Variants in COLEC12 observed in about 807,000 individuals in gnomAD.
The protein encoded by COLEC12 is collectin subfamily member 12.
A neutral mutation model predicts 71.1 loss-of-function variants in COLEC12; 33 were observed. The ratio of observed to expected loss-of-function variants is 0.46; its 90% CI spans 0.35 to 0.62. COLEC12 has a LOEUF of 0.62. COLEC12 is among the 20% of genes least tolerant of loss of function. COLEC12 has a pLI of 0.00. For synonymous variants in COLEC12, 350 were observed against 353.0 expected (o/e 0.99, Z 0.10); for missense variants, 765 against 916.1 (o/e 0.84, Z 2.13).
intron 2 of COLEC12, among the ~76,000 whole-genome samples, chr18:445,288 C>CAATGG (rs1916624565): frequency 6.6e-6 from 1 of 152,158 alleles, no homozygotes; most frequent in Non-Finnish European, 1.5e-5. Context: ...TCCATCTCTC[C>CAATGG]TAGGTTACAG....
At chr18:336,891 T>C (rs1282134093) in intron 5 of COLEC12, among the ~76,000 whole-genome samples, 1 of 152,136 alleles carries the variant, frequency 6.6e-6, no homozygotes, top group East Asian at 1.9e-4. Flanking sequence ...AGTCTCACTC[T>C]GTCACCCAGG....
At position 467,251 on chromosome 18, in the gene COLEC12, C is replaced by T. The variant is rs191802357; in HGVS notation, c.58+13456G>A. Among the ~76,000 whole-genome samples, 1,270 of 152,180 alleles carry T rather than the reference C, an allele frequency of 8.3e-3. 23 individuals are homozygous for T. The highest frequency in any genetic ancestry group is 0.029 in the African/African-American group (1,200 of 41,494). ...CCTCATGATTTCCCAGCTGGGAAAA[C>T]GACTCACTTACAAGCTTGTTAAATA... On this transcript the variant is annotated intron_variant, in intron 2 of 9. Coordinates refer to ENST00000400256, the MANE Select transcript of COLEC12 (RefSeq NM_130386.3).
At chr18:323,950 C>T (rs1290190446) in intron 8 of COLEC12, among the ~76,000 whole-genome samples, 1 of 152,068 alleles carries the variant, frequency 6.6e-6, no homozygotes, top group African/African-American at 2.4e-5. Context: ...ATCTTTATCG[C>T]CTTTCTCCAT....
intron 5 of COLEC12, among the ~76,000 whole-genome samples, chr18:336,865 C>CT (rs966786612): frequency 4.6e-5 from 7 of 150,568 alleles, no homozygotes; most frequent in Non-Finnish European, 7.4e-5. Context: ...GAGTCTCACT[C>CT]TTTTTTTTTA....
In COLEC12 at chr18:346,690, A is replaced by G; in HGVS notation, c.932T>C (p.Leu311Pro). Residue 311 changes from leucine (L) to proline (P), a missense_variant, in exon 5 of 10, where the codon CTG becomes CCG. Physicochemically the swap from Leu to Pro is moderately conservative, Grantham distance 98. Coordinates refer to ENST00000400256, the MANE Select transcript of COLEC12 (RefSeq NM_130386.3). The surrounding 1 kb of genome is among the most constrained non-coding windows in gnomAD (Gnocchi z 4.0). ...TTTGTGTAAGTCCTGCAGGTCTTTC[A>G]GGTTCTGCTCGTTGGCTTGAGAGAT... Reference protein sequence around the residue: ...TTISQANEQNLKDLQDLHKDA... With the variant: ...TTISQANEQNPKDLQDLHKDA... 6.2e-7 allele frequency: 1 copy of G among 1,614,184 alleles called. No individual in the cohort carries two copies. The highest frequency in any genetic ancestry group is 8.5e-7 in the Non-Finnish European group (1 of 1,180,022).
intron 5 of COLEC12, 102 bp from the exon 6 acceptor site, chr18:335,332 A>C: frequency 8.0e-7 from 1 of 1,255,088 alleles, no homozygotes; most frequent in Non-Finnish European, 1.1e-6. Flanking sequence ...AAAACCTAGC[A>C]TACAAAGTAT....
At chr18:371,301 G>C (rs1282162346) in intron 2 of COLEC12, among the ~76,000 whole-genome samples, 1 of 152,216 alleles carries the variant, frequency 6.6e-6, no homozygotes, top group Non-Finnish European at 1.5e-5. Flanking sequence ...CAGAGCCCCA[G>C]ATGATGGTGT....
rs561005242 is a variant in COLEC12, at chr18:498,879, ATG to A, written c.7+1627_7+1628del. On this transcript the variant is annotated intron_variant, in intron 1 of 9. Transcript: ENST00000400256. ...CTTCTGGGTATGTTTTCCAGTGCAA[ATG>A]TAAAGTGGAAAAGTGTCTCAAGTGC... is the stretch of plus-strand genomic sequence containing the variant. Among the ~76,000 whole-genome samples the A allele has an allele frequency of 3.9e-5, 6 of 152,264 alleles. No homozygotes were observed. The South Asian group carries it at 1.2e-3, about 32-fold the overall frequency.
At chr18:381,516 G>A (rs1915231264) in intron 2 of COLEC12, among the ~76,000 whole-genome samples, 1 of 152,114 alleles carries the variant, frequency 6.6e-6, no homozygotes. Flanking sequence ...AAAACAAAAT[G>A]ATAATCCCTA....
At chr18:336,345 C>CTAA (rs1445814562) in intron 5 of COLEC12, among the ~76,000 whole-genome samples, 1 of 152,044 alleles carries the variant, frequency 6.6e-6, no homozygotes, top group Non-Finnish European at 1.5e-5. Context: ...GTTTGTAAGT[C>CTAA]TAATAATACA....
At chr18:495,302 T>C (rs1917689351) in intron 1 of COLEC12, among the ~76,000 whole-genome samples, 1 of 152,254 alleles carries the variant, frequency 6.6e-6, no homozygotes, top group African/African-American at 2.4e-5. Context: ...AAAATGTCTA[T>C]ACTTCCCTGT....
At chr18:474,011 A>T (rs752237535) in intron 2 of COLEC12, among the ~76,000 whole-genome samples, 1 of 152,246 alleles carries the variant, frequency 6.6e-6, no homozygotes, top group African/African-American at 2.4e-5. Context: ...TCAGGGCTCC[A>T]GTGTTCAATA....
chr18:468,455 T>C (rs1160705195), intron 2 of COLEC12, among the ~76,000 whole-genome samples: 1 of 152,128 alleles, frequency 6.6e-6, no homozygotes, highest in Non-Finnish European at 1.5e-5. Context: ...TTCACATAGC[T>C]AGTTAATGCA....
intron 2 of COLEC12, among the ~76,000 whole-genome samples, chr18:454,089 C>T (rs1916816055): frequency 1.3e-5 from 2 of 152,210 alleles, no homozygotes; most frequent in Admixed American, 1.3e-4. Flanking sequence ...TCTAGTTGAG[C>T]CCTCTGAAGG....
chr18:401,108 C>G (rs2143614529), intron 2 of COLEC12, among the ~76,000 whole-genome samples: 1 of 152,242 alleles, frequency 6.6e-6, no homozygotes, highest in African/African-American at 2.4e-5. Flanking sequence ...CATGAGAAGG[C>G]AAGGGTGGAG....
At chr18:472,623 C>CT (rs1381045518) in intron 2 of COLEC12, among the ~76,000 whole-genome samples, 1 of 137,408 alleles carries the variant, frequency 7.3e-6, no homozygotes, top group Non-Finnish European at 1.5e-5. Context: ...GAAGTCAAGG[C>CT]TGCAGTGATG....
chr18:485,012 T>C (rs1445812654), intron 1 of COLEC12, among the ~76,000 whole-genome samples: 3 of 152,176 alleles, frequency 2.0e-5, no homozygotes, highest in Non-Finnish European at 2.9e-5. Flanking sequence ...GTAGTCAGTG[T>C]CCCCATTGAC....
intron 2 of COLEC12, among the ~76,000 whole-genome samples, chr18:397,311 C>A (rs1915592185): frequency 6.6e-6 from 1 of 152,154 alleles, no homozygotes; most frequent in Admixed American, 6.5e-5. Flanking sequence ...TGAACATACA[C>A]CCCCACCCCA....
At chr18:321,887 A>C in intron 8 of COLEC12, 80 bp from the exon 9 acceptor site, 1 of 1,381,882 alleles carries the variant, frequency 7.2e-7, no homozygotes, top group Non-Finnish European at 9.9e-7. Context: ...AGAGAATATA[A>C]AAAAACAAAA....
Sources: allele counts gnomAD v4.1 joint callset (sites outside exome capture counted in the v4.1 genomes callset), GRCh38; gene constraint gnomAD v4.1.1; non-coding constraint Gnocchi (gnomAD v3.1); transcripts MANE v1.5; gene names NCBI Gene and HGNC (gene_info 2026-07-23, HGNC 2026-07-21).